FKBP10: variants seen among roughly 807,000 people sequenced by gnomAD.
FKBP10 encodes peptidyl-prolyl cis-trans isomerase FKBP10.
FKBP10 carries 34 observed loss-of-function variants against 53.7 expected under a neutral mutation model. The ratio of observed to expected loss-of-function variants is 0.63; its 90% confidence interval spans 0.48 to 0.84. The LOEUF (loss-of-function observed/expected upper bound fraction) is 0.84, where lower values mean the gene tolerates loss of function less well. FKBP10 is among the 40% of genes least tolerant of loss of function. FKBP10 has a pLI of 0.00. For synonymous variants in FKBP10, 324 were observed against 335.7 expected (o/e 0.97, Z 0.38); for missense variants, 748 against 797.8 (o/e 0.94, Z 0.75).
intron 4 of FKBP10, 139 bp downstream of exon 4, chr17:41,818,666 C>A: frequency 8.1e-7 from 1 of 1,228,084 alleles, no homozygotes; most frequent in Non-Finnish European, 1.2e-6. Context: ...ACCCTTGGTG[C>A]TACTAAGAAG....
chr17:41,813,082 G>A lies in FKBP10; in HGVS notation c.48G>A (p.Leu16=), dbSNP rs368474970. ...GCCACAGCCTCCTCCGGCTCCCCCT[G>A]CTGCAGTTGCTGCTACTGGTGGTGC... ...PPSHSLLRLP[L]LQLLLLVVQA... The change falls in exon 1 of 10, where the codon CTG becomes CTA. Residue 16 remains leucine, a synonymous_variant. Transcript: ENST00000321562. The A allele has an allele frequency of 8.0e-5, 129 of 1,610,750 alleles. No homozygotes were observed. In the Middle Eastern group the frequency reaches 1.2e-3, roughly 15 times the overall value.
At position 41,820,471 on chromosome 17, in the gene FKBP10, G is replaced by A. The variant is rs782323169; in HGVS notation, c.1256+10G>A. ...CCCAGCTGTTCACCTCGTGGGTCCG[G>A]GGGGGGGCCGGGACTGGGCAGGTGG... On this transcript the variant is annotated intron_variant, in intron 7 of 9. Transcript: ENST00000321562. The A allele has an allele frequency of 1.2e-6, 2 of 1,612,772 alleles. No individual in the cohort carries two copies. Among genetic ancestry groups the A allele is most frequent in the East Asian group, 2.2e-5 (1 of 44,852 alleles).
At chr17:41,818,576 A>T in intron 4 of FKBP10, 49 bp downstream of exon 4, 1 of 1,611,664 alleles carries the variant, frequency 6.2e-7, no homozygotes, top group Non-Finnish European at 8.5e-7. Context: ...AGAGGGAAAA[A>T]CCAGGCCTCC....
chr17:41,819,056 C>A, intron 4 of FKBP10, 154 bp from the exon 5 acceptor site: 2 of 749,678 alleles, frequency 2.7e-6, no homozygotes, highest in East Asian at 2.7e-5. Flanking sequence ...TCAGGTCTTA[C>A]TGGAGGAGCA....
At chr17:41,813,395 C>A (rs1290901024) in intron 1 of FKBP10, 116 bp downstream of exon 1, 2 of 1,366,894 alleles carry the variant, frequency 1.5e-6, no homozygotes, top group Non-Finnish European at 2.1e-6. Context: ...AGACAGCACC[C>A]CTGGGGCCTC....
Position 41,817,084 on chromosome 17 carries a change from T to C in FKBP10, c.272T>C (p.Ile91Thr). 1 of 1,614,054 alleles carries C rather than the reference T, an allele frequency of 6.2e-7. No individual in the cohort carries two copies. The highest frequency in any genetic ancestry group is 8.5e-7 in the Non-Finnish European group (1 of 1,180,024). The change falls in exon 2 of 10, where the codon ATC (isoleucine) becomes ACC (threonine). Residue 91 changes from isoleucine to threonine, a missense_variant. By Grantham distance (89) the Ile-to-Thr change is moderately conservative (BLOSUM62 -1). Coordinates refer to ENST00000321562, the MANE Select transcript of FKBP10 (RefSeq NM_021939.4). ...SSYDRNTLVA[I>T]VVGVGRLITG... Reference sequence around the variant, plus strand: ...TATGATCGCAACACCTTGGTGGCCATCGTGGTGGGTGTGGGGCGCCTCATC... The same window carrying C: ...TATGATCGCAACACCTTGGTGGCCACCGTGGTGGGTGTGGGGCGCCTCATC...
chr17:41,820,546 C>T (rs2047878764), intron 7 of FKBP10, 85 bp downstream of exon 7: 1 of 1,418,912 alleles, frequency 7.0e-7, no homozygotes, highest in South Asian at 1.2e-5. Context: ...GACGCCTGCT[C>T]CTCCCTCTTG....
chr17:41,813,059 C>G lies in FKBP10; in HGVS notation c.25C>G (p.His9Asp). MFPAGPPS[H>D]SLLRLPLLQL... ...CATGTTCCCCGCGGGCCCCCCCAGC[C>G]ACAGCCTCCTCCGGCTCCCCCTGCT... The change falls in exon 1 of 10, where the codon CAC becomes GAC. Residue 9 changes from histidine (H) to aspartate (D), a missense_variant. His to Asp is a moderately conservative substitution (Grantham distance 81). Coordinates refer to ENST00000321562, the MANE Select transcript of FKBP10 (RefSeq NM_021939.4). 1 of 1,610,372 alleles carries G rather than the reference C, an allele frequency of 6.2e-7. No individual in the cohort carries two copies. Among genetic ancestry groups the G allele is most frequent in the Non-Finnish European group, 8.5e-7 (1 of 1,179,690 alleles).
intron 1 of FKBP10, among the ~76,000 whole-genome samples, chr17:41,816,299 C>T (rs1555616086): frequency 9.0e-6 from 1 of 110,696 alleles, no homozygotes; most frequent in Non-Finnish European, 1.7e-5. Flanking sequence ...GGCACGATTT[C>T]GGCTCATTGC....
At position 41,817,087 on chromosome 17, in the gene FKBP10, T is replaced by C. The variant is rs782422781; in HGVS notation, c.275T>C (p.Val92Ala). 4 of 1,613,832 alleles carry C rather than the reference T, an allele frequency of 2.5e-6. No homozygotes were observed. The Admixed American group carries it at 5.0e-5, about 20-fold the overall frequency. The change falls in exon 2 of 10, where the codon GTG (valine) becomes GCG (alanine). Residue 92 changes from valine (V) to alanine (A), a missense_variant. Coordinates refer to ENST00000321562, the MANE Select transcript of FKBP10 (RefSeq NM_021939.4). ...GATCGCAACACCTTGGTGGCCATCG[T>C]GGTGGGTGTGGGGCGCCTCATCACT... ...SYDRNTLVAI[V>A]VGVGRLITGM...
At chr17:41,822,178 G>T (rs953303213) in intron 9 of FKBP10, 45 bp from the exon 10 acceptor site, 13 of 1,584,412 alleles carry the variant, frequency 8.2e-6, no homozygotes, top group Non-Finnish European at 9.5e-6. Flanking sequence ...CCCTCCCAAG[G>T]CCATGACCCT....
chr17:41,816,940 T>A, intron 1 of FKBP10, 118 bp from the exon 2 acceptor site: 1 of 1,450,436 alleles, frequency 6.9e-7, no homozygotes, highest in Non-Finnish European at 9.6e-7. Flanking sequence ...TATCCACACC[T>A]GGCTATAGGG....
chr17:41,818,201 C>T lies in FKBP10; in HGVS notation c.504C>T (p.Pro168=), dbSNP rs113640022. ...VSTLLRPPHC[P]RMVQDGDFVR... ...CATTGCTGCGCCCGCCCCACTGCCC[C>T]CGCATGGTCCAGGACGGCGACTTTG... Residue 168 remains proline, a synonymous_variant, in exon 3 of 10, where the codon CCC becomes CCT. Coordinates refer to ENST00000321562, the MANE Select transcript of FKBP10 (RefSeq NM_021939.4). The T allele has an allele frequency of 6.1e-4, 989 of 1,613,658 alleles. 8 individuals carry two copies. The African/African-American group carries it at 0.012, about 20-fold the overall frequency.
rs1555616936 is a variant in FKBP10, at chr17:41,820,936, C to T, written c.1257-11C>T. The T allele has an allele frequency of 1.2e-6, 2 of 1,610,596 alleles. No individual in the cohort carries two copies. Among genetic ancestry groups the T allele is most frequent in the African/African-American group, 2.7e-5 (2 of 74,836 alleles). ...GGGTGGCTGCTGACCTGGGCATCTG[C>T]TCTCCCCCAGGCATGACTACGGGGC... On this transcript the variant is annotated splice_polypyrimidine_tract_variant and intron_variant, in intron 7 of 9. Coordinates refer to ENST00000321562, the MANE Select transcript of FKBP10 (RefSeq NM_021939.4).
chr17:41,816,185 A>G (rs1291522155), intron 1 of FKBP10, among the ~76,000 whole-genome samples: 2 of 151,578 alleles, frequency 1.3e-5, no homozygotes, highest in Non-Finnish European at 2.9e-5. Context: ...TTAAAAGTGT[A>G]TAACTAAAAA....
intron 9 of FKBP10, 111 bp downstream of exon 9, chr17:41,821,928 G>A: frequency 7.3e-7 from 1 of 1,367,724 alleles, no homozygotes. Context: ...TGGTGCTCCT[G>A]CCTGCGCTGA....
chr17:41,822,649 G>A lies in FKBP10; in HGVS notation c.*241G>A. 1.7e-6 allele frequency: 1 copy of A among 576,530 alleles called. No homozygotes were observed. Among genetic ancestry groups the A allele is most frequent in the Non-Finnish European group, 3.1e-6 (1 of 324,514 alleles). 35.7% of individuals were successfully genotyped at this position (576,530 alleles called of 1,614,324 possible). On this transcript the variant is annotated 3_prime_UTR_variant, in exon 10 of 10. Transcript: ENST00000321562. ...CCACTTCCTTAAAATGTTTGGATTT[G>A]CAAAGCCAATTTGGGGCCTGTGGAG...
chr17:41,821,736 G>A lies in FKBP10; in HGVS notation c.1482G>A (p.Leu494=). The A allele has an allele frequency of 6.2e-7, 1 of 1,614,158 alleles. No homozygotes were observed. Among genetic ancestry groups the A allele is most frequent in the Non-Finnish European group, 8.5e-7 (1 of 1,180,016 alleles). ...AGGATGGGCTGCCCACAGGCTACCTGTTTGTGTGGCACAAGGACCCTCCTG... is the reference window on the plus strand; with the variant it reads ...AGGATGGGCTGCCCACAGGCTACCTATTTGTGTGGCACAAGGACCCTCCTG... The part of the protein sequence containing the change: ...SREDGLPTGY[L]FVWHKDPPAN... Residue 494 remains leucine, a synonymous_variant, in exon 9 of 10, where the codon CTG becomes CTA. Coordinates refer to ENST00000321562, the MANE Select transcript of FKBP10 (RefSeq NM_021939.4).
Position 41,822,613 on chromosome 17 carries a change from C to G in FKBP10, c.*205C>G, listed in dbSNP as rs1277621837. 4.7e-6 allele frequency: 3 copies of G among 640,246 alleles called. No homozygotes were observed. 39.7% of individuals were successfully genotyped at this position (640,246 alleles called of 1,614,324 possible). On this transcript the variant is annotated 3_prime_UTR_variant, in exon 10 of 10. Transcript: ENST00000321562. ...CACAGACCTCTACCGTGTTTCTCTTCCATCCCTAAACCACTTCCTTAAAAT... is the reference window on the plus strand; with the variant it reads ...CACAGACCTCTACCGTGTTTCTCTTGCATCCCTAAACCACTTCCTTAAAAT...
Sources: gnomAD v4.1 joint callset for allele counts (sites outside exome capture counted in the v4.1 genomes callset) on GRCh38, gnomAD v4.1.1 for gene constraint, MANE v1.5 for transcripts, NCBI Gene and HGNC (gene_info 2026-07-23, HGNC 2026-07-21) for gene names.